Variants in THSD4 observed in about 807,000 individuals in gnomAD.
THSD4 encodes the protein thrombospondin type-1 domain-containing protein 4.
THSD4 carries 69 observed loss-of-function variants against 119.0 expected under a neutral mutation model. The observed-to-expected ratio is 0.58, with a 90% CI of 0.48 to 0.71. THSD4 has a LOEUF of 0.71. Among genes scored for constraint, THSD4 ranks in the 30% least tolerant of loss-of-function variants. The pLI, the probability that THSD4 is intolerant of heterozygous loss-of-function variation, is 0.00. For synonymous variants in THSD4, 524 were observed against 540.4 expected, an observed-to-expected ratio of 0.97 and a Z score of 0.42; for missense variants, 1,393 against 1,391.1, an observed-to-expected ratio of 1.00 and a Z score of -0.02.
intron 7 of THSD4, among the ~76,000 whole-genome samples, chr15:71,552,260 A>G (rs369801683): frequency 5.2e-4 from 79 of 152,352 alleles, no homozygotes; most frequent in African/African-American, 1.6e-3. Flanking sequence ...CTAGATCTAC[A>G]GTCTTAAGAT....
intron 8 of THSD4, among the ~76,000 whole-genome samples, chr15:71,687,047 A>C (rs1024143893): frequency 1.8e-4 from 28 of 152,184 alleles, no homozygotes; most frequent in African/African-American, 6.8e-4. Flanking sequence ...GGACAGTCAC[A>C]TATCCTGCCT....
intron 4 of THSD4, among the ~76,000 whole-genome samples, chr15:71,226,705 G>A (rs1199643464): frequency 1.3e-5 from 2 of 152,164 alleles, no homozygotes; most frequent in Non-Finnish European, 2.9e-5. Flanking sequence ...GCCACATGCC[G>A]ATTTCCTGAC....
chr15:71,770,506 T>C (rs1167251132), intron 16 of THSD4, among the ~76,000 whole-genome samples: 1 of 151,608 alleles, frequency 6.6e-6, no homozygotes, highest in Non-Finnish European at 1.5e-5. Flanking sequence ...AATACAAAAC[T>C]TAGCCAGGTG....
intron 8 of THSD4, among the ~76,000 whole-genome samples, chr15:71,724,287 A>ATATATATATATTTTTTTTT: frequency 2.7e-5 from 1 of 37,288 alleles, no homozygotes; most frequent in African/African-American, 6.6e-5. Context: ...ATATATATAT[A>ATATATATATATTTTTTTTT]TTTTTTTTTT....
intron 8 of THSD4, among the ~76,000 whole-genome samples, chr15:71,673,338 C>T (rs1283976392): frequency 1.3e-5 from 2 of 151,846 alleles, no homozygotes; most frequent in African/African-American, 2.4e-5. Context: ...GGTGATATCC[C>T]CTCTATCATT....
intron 7 of THSD4, among the ~76,000 whole-genome samples, chr15:71,622,062 C>A (rs1009742360): frequency 7.2e-5 from 11 of 152,104 alleles, no homozygotes; most frequent in African/African-American, 2.7e-4. Context: ...CTTGGAGGAG[C>A]TGTTTAGAAA....
intron 7 of THSD4, among the ~76,000 whole-genome samples, chr15:71,578,659 T>C (rs2140910894): frequency 6.6e-6 from 1 of 152,136 alleles, no homozygotes. Flanking sequence ...TTAAGTGTAC[T>C]CTTCTTAAGT....
intron 7 of THSD4, among the ~76,000 whole-genome samples, chr15:71,435,788 T>G (rs1297703261): frequency 2.0e-5 from 3 of 152,162 alleles, no homozygotes; most frequent in Non-Finnish European, 4.4e-5. Flanking sequence ...CTGTGACGCC[T>G]GTGACACAGG....
At chr15:71,285,853 C>CAAAAAAAA (rs11421766) in intron 6 of THSD4, among the ~76,000 whole-genome samples, 2 of 67,390 alleles carry the variant, frequency 3.0e-5, no homozygotes, top group South Asian at 9.7e-4. Flanking sequence ...GACTCCGTCT[C>CAAAAAAAA]AAAAAAAAAA....
At chr15:71,691,812 T>C (rs1030565724) in intron 8 of THSD4, among the ~76,000 whole-genome samples, 1 of 152,184 alleles carries the variant, frequency 6.6e-6, no homozygotes, top group Non-Finnish European at 1.5e-5. Context: ...AGTGAACCAT[T>C]GCTGGGAGGC....
chr15:71,603,275 A>C (rs890981108), intron 7 of THSD4, among the ~76,000 whole-genome samples: 2 of 152,030 alleles, frequency 1.3e-5, no homozygotes, highest in Non-Finnish European at 2.9e-5. Flanking sequence ...AAGAAAAAAA[A>C]CTCTCTGCAA....
intron 6 of THSD4, among the ~76,000 whole-genome samples, chr15:71,341,923 A>C (rs1036439417): frequency 2.6e-5 from 4 of 152,130 alleles, no homozygotes; most frequent in Non-Finnish European, 4.4e-5. Context: ...TGTGTTCAAC[A>C]TAAAGTATTC....
intron 6 of THSD4, among the ~76,000 whole-genome samples, chr15:71,396,978 A>G (rs2046462442): frequency 6.6e-6 from 1 of 152,228 alleles, no homozygotes; most frequent in South Asian, 2.1e-4. Context: ...ACAGGAAGCT[A>G]CTGCTGTTCC....
chr15:71,616,230 G>A (rs1414772111), intron 7 of THSD4, among the ~76,000 whole-genome samples: 1 of 152,046 alleles, frequency 6.6e-6, no homozygotes, highest in African/African-American at 2.4e-5. Context: ...CCTAAAAATG[G>A]TCAGAAAATT....
At chr15:71,122,031 C>T (rs950513054) in intron 1 of THSD4, among the ~76,000 whole-genome samples, 1 of 152,050 alleles carries the variant, frequency 6.6e-6, no homozygotes, top group African/African-American at 2.4e-5. Context: ...GTTTTGAAGT[C>T]TCATTACAGG....
rs145499021 is a variant in THSD4, at chr15:71,586,386, A to T, written c.1153-74144A>T. Among the ~76,000 whole-genome samples, 55 of 152,312 alleles carry T rather than the reference A, an allele frequency of 3.6e-4. No individual in the cohort carries two copies. The East Asian group carries it at 5.2e-3, about 14-fold the overall frequency. On this transcript the variant is annotated intron_variant, in intron 7 of 17. Transcript: ENST00000261862. Reference sequence around the variant, plus strand: ...TCACTGGGCTGAAATCAAGGCATTTACCAGGGCACCACCCTCATCTAGAGC... The same window carrying T: ...TCACTGGGCTGAAATCAAGGCATTTTCCAGGGCACCACCCTCATCTAGAGC...
At chr15:71,478,305 C>A (rs532858093) in intron 7 of THSD4, among the ~76,000 whole-genome samples, 1 of 152,064 alleles carries the variant, frequency 6.6e-6, no homozygotes, top group South Asian at 2.1e-4. Flanking sequence ...CTTGTGTCTT[C>A]GTCTACTTAT....
In THSD4 at chr15:71,778,515, G is replaced by C. The variant is rs1360196189; in HGVS notation, c.*1141G>C. The C allele has an allele frequency of 6.5e-6, 1 of 152,734 alleles. No individual in the cohort carries two copies. Among genetic ancestry groups the C allele is most frequent in the Non-Finnish European group, 1.5e-5 (1 of 68,514 alleles). 9.5% of individuals were successfully genotyped at this position (152,734 alleles called of 1,614,324 possible). A position where few individuals can be genotyped will look rare whatever the true frequency, so the allele number is the denominator to read the frequency against. Reference sequence around the variant, plus strand: ...TGAAGCACACAGCTCTGCAGCCTGGGCTCTGCCCTGCCTCAGCCGCCTCCC... The same window carrying C: ...TGAAGCACACAGCTCTGCAGCCTGGCCTCTGCCCTGCCTCAGCCGCCTCCC... On this transcript the variant is annotated 3_prime_UTR_variant, in exon 18 of 18. Transcript: ENST00000261862.
At chr15:71,272,288 C>G (rs959598754) in intron 6 of THSD4, among the ~76,000 whole-genome samples, 1 of 149,180 alleles carries the variant, frequency 6.7e-6, no homozygotes, top group African/African-American at 2.5e-5. Flanking sequence ...GTAGTCCCAG[C>G]TACTCGGGAG....
Sources: gnomAD v4.1 joint callset for allele counts (sites outside exome capture counted in the v4.1 genomes callset) on GRCh38, gnomAD v4.1.1 for gene constraint, MANE v1.5 for transcripts, NCBI Gene and HGNC (gene_info 2026-07-23, HGNC 2026-07-21) for gene names.